Variants in CDH8 observed in about 807,000 individuals in gnomAD.
The protein encoded by CDH8 is cadherin 8.
CDH8 carries 17 observed loss-of-function variants against 68.1 expected under a neutral mutation model. The observed-to-expected ratio is 0.25, with a 90% CI of 0.17 to 0.37. The LOEUF (loss-of-function observed/expected upper bound fraction) is 0.37. Ranked by LOEUF, CDH8 falls within the 10% of genes least tolerant of loss-of-function variation. The probability of loss-of-function intolerance (pLI) is 1.00; values close to 1 mark genes in which losing one functional copy is unlikely to be tolerated. For missense variants in CDH8, 763 were observed against 999.3 expected (o/e 0.76, Z 3.19); for synonymous variants, 372 against 365.1 (o/e 1.02, Z -0.21).
At chr16:61,720,389 G>A (rs1294913934) in intron 9 of CDH8, among the ~76,000 whole-genome samples, 1 of 150,848 alleles carries the variant, frequency 6.6e-6, no homozygotes, top group African/African-American at 2.4e-5. Context: ...TTCCTACCTG[G>A]CTCCCATCCT....
At chr16:61,665,772 C>T (rs963439889) in intron 10 of CDH8, among the ~76,000 whole-genome samples, 2 of 128,914 alleles carry the variant, frequency 1.6e-5, no homozygotes. Context: ...TCCTTCCTTC[C>T]TTCCTTCCTT....
At chr16:61,697,621 C>G (rs1689493321) in intron 10 of CDH8, among the ~76,000 whole-genome samples, 1 of 152,060 alleles carries the variant, frequency 6.6e-6, no homozygotes, top group African/African-American at 2.4e-5. Flanking sequence ...AAGTCTCAGC[C>G]TCCTGAGTAG....
At chr16:62,019,645 A>G (rs1262977711) in intron 2 of CDH8, among the ~76,000 whole-genome samples, 1 of 152,222 alleles carries the variant, frequency 6.6e-6, no homozygotes, top group African/African-American at 2.4e-5. Flanking sequence ...CACTATGACT[A>G]TAATAGCCTC....
intron 2 of CDH8, among the ~76,000 whole-genome samples, chr16:62,018,038 A>G (rs1207620599): frequency 1.3e-5 from 2 of 152,204 alleles, no homozygotes; most frequent in South Asian, 4.1e-4. Flanking sequence ...TACAATTACT[A>G]TATAGCAGGC....
intron 8 of CDH8, among the ~76,000 whole-genome samples, chr16:61,742,895 T>C (rs1444979173): frequency 1.3e-5 from 2 of 152,154 alleles, no homozygotes. Context: ...GCATGAGAAC[T>C]TATGTGTCAG....
At chr16:61,842,097 CG>C (rs903197185) in intron 4 of CDH8, among the ~76,000 whole-genome samples, 9 of 145,986 alleles carry the variant, frequency 6.2e-5, no homozygotes, top group African/African-American at 1.8e-4. Flanking sequence ...TTAGTAGAGA[CG>C]GGATTTCACC....
At chr16:61,877,015 G>T (rs908976838) in intron 3 of CDH8, among the ~76,000 whole-genome samples, 15 of 152,104 alleles carry the variant, frequency 9.9e-5, no homozygotes, top group African/African-American at 3.1e-4. Flanking sequence ...TATAACATAT[G>T]AAAATCTCAT....
chr16:61,821,068 G>A lies in CDH8; in HGVS notation c.881C>T (p.Ala294Val). The A allele has an allele frequency of 6.2e-7, 1 of 1,612,490 alleles. No homozygotes were observed. The highest frequency in any genetic ancestry group is 1.7e-5 in the Admixed American group (1 of 59,858). ...ATCATTGGCCTTCACCCTTCCTATT[G>A]CAGTGCCAAGAACCACATCTTCCGG... The part of the protein sequence containing the change: ...SVPEDVVLGT[A>V]IGRVKANDQD... The change falls in exon 6 of 12, where the codon GCA becomes GTA. Residue 294 changes from alanine (A) to valine (V), a missense_variant. Transcript: ENST00000577390.
chr16:61,947,492 A>G (rs1964819650), intron 2 of CDH8, among the ~76,000 whole-genome samples: 1 of 152,150 alleles, frequency 6.6e-6, no homozygotes, highest in Non-Finnish European at 1.5e-5. Flanking sequence ...CCCTGCCTTC[A>G]AGGAGTTCTC....
intron 8 of CDH8, among the ~76,000 whole-genome samples, chr16:61,761,220 A>AT (rs1960459275): frequency 6.6e-6 from 1 of 152,194 alleles, no homozygotes; most frequent in African/African-American, 2.4e-5. Context: ...CACAGAAGAA[A>AT]TAACTGCCAA....
At chr16:61,701,882 A>C (rs2142850030) in intron 10 of CDH8, among the ~76,000 whole-genome samples, 1 of 152,330 alleles carries the variant, frequency 6.6e-6, no homozygotes, top group Non-Finnish European at 1.5e-5. Flanking sequence ...GTTTTAACTA[A>C]TTGACAGTCC....
At chr16:61,747,945 T>C (rs958804538) in intron 8 of CDH8, among the ~76,000 whole-genome samples, 1 of 152,068 alleles carries the variant, frequency 6.6e-6, no homozygotes, top group African/African-American at 2.4e-5. Context: ...AAATAATTTA[T>C]TTTCATATAT....
chr16:61,827,809 C>T (rs1280769320), intron 4 of CDH8, among the ~76,000 whole-genome samples: 2 of 151,720 alleles, frequency 1.3e-5, no homozygotes, highest in African/African-American at 2.4e-5. Flanking sequence ...GGGCACTGAC[C>T]CCACGTACAG....
intron 7 of CDH8, among the ~76,000 whole-genome samples, chr16:61,798,219 T>C (rs1961542281): frequency 6.6e-6 from 1 of 152,212 alleles, no homozygotes; most frequent in South Asian, 2.1e-4. Context: ...TTACACATTG[T>C]GAAAGGATTA....
intron 3 of CDH8, among the ~76,000 whole-genome samples, chr16:61,868,554 C>T (rs1963298445): frequency 1.3e-5 from 2 of 152,134 alleles, no homozygotes; most frequent in South Asian, 2.1e-4. Context: ...GAATTAGCTT[C>T]AAACGGAGGC....
At chr16:61,968,411 C>T (rs1362937489) in intron 2 of CDH8, among the ~76,000 whole-genome samples, 3 of 152,158 alleles carry the variant, frequency 2.0e-5, no homozygotes, top group Non-Finnish European at 4.4e-5. Context: ...CTCTCAAAAG[C>T]TGTGAGACCT....
intron 3 of CDH8, among the ~76,000 whole-genome samples, chr16:61,862,135 T>TCACACACACA (rs3069990): frequency 3.4e-5 from 5 of 146,228 alleles, no homozygotes; most frequent in East Asian, 2.0e-4. Context: ...CAAACACCAC[T>TCACACACACA]CACACACACA....
At chr16:61,655,405 C>CGG in intron 11 of CDH8, 65 bp downstream of exon 11, 1 of 1,395,994 alleles carries the variant, frequency 7.2e-7, no homozygotes. Flanking sequence ...AGTTTTCTGT[C>CGG]CTTATTTACA....
intron 10 of CDH8, among the ~76,000 whole-genome samples, chr16:61,689,921 A>G (rs542445590): frequency 6.6e-6 from 1 of 152,160 alleles, no homozygotes; most frequent in East Asian, 1.9e-4. Context: ...GTAGGATACA[A>G]CAGTCTGACC....
Sources: gnomAD v4.1 joint callset for allele counts (sites outside exome capture counted in the v4.1 genomes callset) on GRCh38, gnomAD v4.1.1 for gene constraint, MANE v1.5 for transcripts, NCBI Gene and HGNC (gene_info 2026-07-23, HGNC 2026-07-21) for gene names.